UNC13C: variants seen among roughly 807,000 people sequenced by gnomAD.
UNC13C encodes unc-13 homolog C.
In UNC13C, 174 loss-of-function variants were observed where a neutral mutation model predicts 245.4. The ratio of observed to expected loss-of-function variants is 0.71; its 90% CI spans 0.63 to 0.80. The LOEUF (loss-of-function observed/expected upper bound fraction) is 0.80. Among genes scored for constraint, UNC13C ranks in the 30% least tolerant of loss-of-function variants. The pLI is 0.00. For missense variants in UNC13C, 2,829 were observed against 2,602.9 expected (o/e 1.09, Z -1.89); for synonymous variants, 992 against 895.1 (o/e 1.11, Z -1.93).
chr15:53,839,157 C>A, the UNC13C span, among the ~76,000 whole-genome samples: 4 of 151,762 alleles, frequency 2.6e-5, no homozygotes, highest in Non-Finnish European at 4.4e-5. Flanking sequence ...GTGTGTGTTT[C>A]TTCTGCTGTG....
At chr15:54,219,732 T>G (rs1443080600) in intron 4 of UNC13C, among the ~76,000 whole-genome samples, 1 of 151,350 alleles carries the variant, frequency 6.6e-6, no homozygotes, top group Non-Finnish European at 1.5e-5. Flanking sequence ...GAATCTACAA[T>G]GAACTCAAAC....
Position 54,113,042 on chromosome 15 carries a change from T to A in UNC13C, c.2984-29976T>A, listed in dbSNP as rs541625930. ...GGTTAAATGGATATGCAGATGTATCTTGATAAATTGTGTCATATTTTACTC... is the reference window on the plus strand; with the variant it reads ...GGTTAAATGGATATGCAGATGTATCATGATAAATTGTGTCATATTTTACTC... On this transcript the variant is annotated intron_variant, in intron 2 of 32. Transcript: ENST00000260323. Among the ~76,000 whole-genome samples the A allele has an allele frequency of 2.8e-4, 43 of 152,332 alleles. 1 individual carries two copies. Among genetic ancestry groups the A allele is most frequent in the African/African-American group, 1.0e-3 (42 of 41,572 alleles).
intron 2 of UNC13C, among the ~76,000 whole-genome samples, chr15:54,025,695 G>A (rs1026401450): frequency 2.0e-5 from 3 of 152,106 alleles, no homozygotes; most frequent in Admixed American, 6.6e-5. Flanking sequence ...TGATTTACCC[G>A]ACAGCACCAA....
At chr15:53,953,921 G>T in the UNC13C span, among the ~76,000 whole-genome samples, 3 of 152,352 alleles carry the variant, frequency 2.0e-5, no homozygotes, top group Admixed American at 6.5e-5. Flanking sequence ...GCTACGTGCA[G>T]TTGGCATCAA....
At chr15:54,553,034 T>A (rs1896905861) in intron 28 of UNC13C, among the ~76,000 whole-genome samples, 1 of 101,150 alleles carries the variant, frequency 9.9e-6, no homozygotes, top group Non-Finnish European at 1.8e-5. Flanking sequence ...TTACAATATA[T>A]AATATATATT....
intron 17 of UNC13C, among the ~76,000 whole-genome samples, chr15:54,378,562 T>G (rs2039655026): frequency 2.0e-5 from 3 of 151,606 alleles, no homozygotes; most frequent in Admixed American, 6.6e-5. Flanking sequence ...AATAAATATA[T>G]AATATTAAAT....
intron 30 of UNC13C, among the ~76,000 whole-genome samples, chr15:54,584,689 C>T (rs574255953): frequency 5.3e-5 from 8 of 152,340 alleles, no homozygotes; most frequent in Admixed American, 3.3e-4. Flanking sequence ...AGGCATTCTT[C>T]GTATTCACTA....
chr15:54,314,422 T>G (rs1166059278), intron 13 of UNC13C, among the ~76,000 whole-genome samples: 1 of 137,702 alleles, frequency 7.3e-6, no homozygotes, highest in Non-Finnish European at 1.6e-5. Flanking sequence ...CATGTAATTT[T>G]TATTTGTCAA....
At chr15:54,085,701 C>T (rs1899201459) in intron 2 of UNC13C, among the ~76,000 whole-genome samples, 1 of 152,098 alleles carries the variant, frequency 6.6e-6, no homozygotes, top group Non-Finnish European at 1.5e-5. Flanking sequence ...CTTGCCTTGG[C>T]CTCCCAAAGT....
At chr15:54,509,383 C>T (rs953061259) in intron 23 of UNC13C, among the ~76,000 whole-genome samples, 1 of 152,112 alleles carries the variant, frequency 6.6e-6, no homozygotes, top group Admixed American at 6.5e-5. Flanking sequence ...TATAGCAAGA[C>T]ATCACAATCT....
intron 4 of UNC13C, among the ~76,000 whole-genome samples, chr15:54,227,806 C>T (rs1217930580): frequency 1.3e-5 from 2 of 152,190 alleles, no homozygotes; most frequent in Non-Finnish European, 2.9e-5. Flanking sequence ...AGTCTTGAAG[C>T]CGGTATAGTA....
At chr15:54,451,795 ATTGTGTTT>A (rs1223618254) in intron 19 of UNC13C, among the ~76,000 whole-genome samples, 1 of 151,904 alleles carries the variant, frequency 6.6e-6, no homozygotes, top group Admixed American at 6.6e-5. Context: ...CTGCAGAATT[ATTGTGTTT>A]TTTTGGAAGT....
intron 19 of UNC13C, among the ~76,000 whole-genome samples, chr15:54,432,245 TA>T (rs1252260657): frequency 1.3e-5 from 2 of 151,638 alleles, no homozygotes; most frequent in African/African-American, 2.4e-5. Context: ...CTTGCTTATT[TA>T]AGTAAGAGCG....
At chr15:54,391,134 G>C (rs1596317684) in intron 17 of UNC13C, among the ~76,000 whole-genome samples, 2 of 152,006 alleles carry the variant, frequency 1.3e-5, no homozygotes, top group South Asian at 4.2e-4. Context: ...AAAATGATAA[G>C]TGGCTGTGAT....
At chr15:53,882,387 G>C in the UNC13C span, among the ~76,000 whole-genome samples, 1 of 151,926 alleles carries the variant, frequency 6.6e-6, no homozygotes, top group South Asian at 2.1e-4. Flanking sequence ...TATACCCAAA[G>C]TTTTTATTAT....
At chr15:53,917,487 C>A in the UNC13C span, among the ~76,000 whole-genome samples, 2 of 152,172 alleles carry the variant, frequency 1.3e-5, no homozygotes, top group East Asian at 3.9e-4. Flanking sequence ...AACAAGTGAT[C>A]GTTGATTGTC....
intron 2 of UNC13C, among the ~76,000 whole-genome samples, chr15:54,086,882 C>T (rs114581824): frequency 0.012 from 1,864 of 151,728 alleles, 37 homozygotes; most frequent in African/African-American, 0.044. Flanking sequence ...ATTACGGGCA[C>T]CTGCCACTGA....
At position 54,100,994 on chromosome 15, in the gene UNC13C, C is replaced by G. The variant is rs1257808644; in HGVS notation, c.2984-42024C>G. Among the ~76,000 whole-genome samples, 11 of 152,076 alleles carry G rather than the reference C, an allele frequency of 7.2e-5. No homozygotes were observed. In the East Asian group the frequency reaches 2.1e-3, roughly 29 times the overall value. ...AAGTGTACACCAAGTAATTAACATC[C>G]AGATCAATACCTGTTGTTAAGCCCA... On this transcript the variant is annotated intron_variant, in intron 2 of 32. Transcript: ENST00000260323.
chr15:54,543,322 C>T (rs576307935), intron 26 of UNC13C, among the ~76,000 whole-genome samples: 109 of 152,132 alleles, frequency 7.2e-4, no homozygotes, highest in Non-Finnish European at 1.3e-3. Context: ...ATTTATAGCA[C>T]TAAATGCCCA....
Sources: gnomAD v4.1 joint callset for allele counts (sites outside exome capture counted in the v4.1 genomes callset) on GRCh38, gnomAD v4.1.1 for gene constraint, MANE v1.5 for transcripts, NCBI Gene and HGNC (gene_info 2026-07-23, HGNC 2026-07-21) for gene names.